The following TMEM219 variants were observed in gnomAD, a reference collection of about 807,000 sequenced individuals.
TMEM219 encodes insulin-like growth factor-binding protein 3 receptor.
TMEM219 carries 18 observed loss-of-function variants against 17.9 expected under a neutral mutation model. That is an observed-to-expected ratio of 1.01 (90% CI 0.70 to 1.49). The LOEUF (loss-of-function observed/expected upper bound fraction) is 1.49. Among genes scored for constraint, TMEM219 ranks in the 40% most tolerant of loss-of-function variants. The pLI is 0.00. For missense variants in TMEM219, 288 were observed against 292.4 expected, an observed-to-expected ratio of 0.99 and a Z score of 0.11; for synonymous variants, 113 against 124.0, an observed-to-expected ratio of 0.91 and a Z score of 0.59.
chr16:29,966,683 G>A (rs1027168057), intron 3 of TMEM219, among the ~76,000 whole-genome samples: 10 of 152,200 alleles, frequency 6.6e-5, no homozygotes, highest in East Asian at 5.8e-4. Context: ...AGGCATGGTC[G>A]TGGGCACCTG....
At chr16:29,968,378 G>A (rs1382044306) in intron 4 of TMEM219, 124 bp downstream of exon 4, 2 of 719,752 alleles carry the variant, frequency 2.8e-6, no homozygotes, top group South Asian at 1.8e-5. Flanking sequence ...TGCCTTGGGG[G>A]CTGTGTGACG....
At chr16:29,964,799 A>G (rs1333949316) in intron 3 of TMEM219, among the ~76,000 whole-genome samples, 1 of 151,958 alleles carries the variant, frequency 6.6e-6, no homozygotes, top group Non-Finnish European at 1.5e-5. Context: ...ACATCCCTGG[A>G]CTTTAGTCAC....
chr16:29,962,178 G>C (rs1360540053), intron 1 of TMEM219, 46 bp downstream of exon 1: 1 of 152,170 alleles, frequency 6.6e-6, no homozygotes, highest in Admixed American at 6.5e-5. Context: ...ACCGGGAGGG[G>C]ACGAGGGCGT....
intron 1 of TMEM219, among the ~76,000 whole-genome samples, 168 bp downstream of exon 1, chr16:29,962,300 G>A (rs1436036741): frequency 3.3e-5 from 5 of 152,188 alleles, no homozygotes; most frequent in Non-Finnish European, 5.9e-5. Context: ...CAGCCGGACG[G>A]GAGGCGGGGC....
intron 3 of TMEM219, among the ~76,000 whole-genome samples, chr16:29,964,159 C>T (rs922179495): frequency 5.3e-5 from 8 of 152,040 alleles, no homozygotes; most frequent in African/African-American, 1.7e-4. Flanking sequence ...CCCATCTCTA[C>T]TAAAAATACA....
intron 3 of TMEM219, among the ~76,000 whole-genome samples, chr16:29,966,698 C>T (rs965798101): frequency 6.6e-6 from 1 of 152,058 alleles, no homozygotes; most frequent in South Asian, 2.1e-4. Flanking sequence ...CACCTGTAAT[C>T]CCAGCTACTC....
rs1337091251 is a variant in TMEM219, at chr16:29,972,932, T to G, written c.*34-18T>G. 6.6e-6 allele frequency: 1 copy of G among 152,272 alleles called. No individual in the cohort carries two copies. The highest frequency in any genetic ancestry group is 1.5e-5 in the Non-Finnish European group (1 of 68,052). The allele number at this position is 152,272 out of a possible 1,614,324, so 9.4% of individuals were successfully genotyped here. ...AGCTCTTCGACCTGTTTTGTTGTTT[T>G]ATTTTCTTTCTCCCCAGGTGTGAAT... On this transcript the variant is annotated intron_variant, in intron 5 of 5. Transcript: ENST00000279396.
chr16:29,962,856 C>G (rs1288938089), intron 1 of TMEM219: 2 of 431,054 alleles, frequency 4.6e-6, no homozygotes, highest in Non-Finnish European at 8.5e-6. Context: ...GAGAAGTCTC[C>G]CTTTCAGTTT....
chr16:29,963,149 C>T lies in TMEM219; in HGVS notation c.6C>T (p.Gly2=), dbSNP rs1425490512. 1 of 1,611,852 alleles carries T rather than the reference C, an allele frequency of 6.2e-7. No homozygotes were observed. Among genetic ancestry groups the T allele is most frequent in the East Asian group, 2.2e-5 (1 of 44,880 alleles). The stretch of plus-strand genomic sequence containing the variant: ...CTCAGCCCCCTCTGCTCCCCATGGG[C>T]AACTGCCAGGCAGGGCACAACCTGC... M[G]NCQAGHNLHL... The change falls in exon 2 of 6, where the codon GGC becomes GGT. Residue 2 remains glycine (G), a synonymous_variant. Transcript: ENST00000279396.
chr16:29,972,902 C>T (rs1240552878), intron 5 of TMEM219, 48 bp from the exon 6 acceptor site: 1 of 152,206 alleles, frequency 6.6e-6, no homozygotes, highest in Admixed American at 6.5e-5. Context: ...AGAGCTTCCT[C>T]TAGCAGCTCT....
At chr16:29,971,613 G>A in intron 5 of TMEM219, 35 bp downstream of exon 5, 14 of 730,688 alleles carry the variant, frequency 1.9e-5, no homozygotes, top group Middle Eastern at 2.8e-4. Context: ...CGGGAGCAGG[G>A]AATGGGGTGG....
At chr16:29,964,914 G>A (rs1158196794) in intron 3 of TMEM219, among the ~76,000 whole-genome samples, 1 of 152,152 alleles carries the variant, frequency 6.6e-6, no homozygotes, top group East Asian at 1.9e-4. Context: ...TATCCTTGGA[G>A]GTAGGATGAA....
intron 4 of TMEM219, among the ~76,000 whole-genome samples, chr16:29,969,261 A>G (rs890133419): frequency 3.2e-4 from 47 of 148,860 alleles, no homozygotes; most frequent in Admixed American, 2.7e-4. Flanking sequence ...CAGTGGCACA[A>G]TCTCGGCTCA....
chr16:29,970,372 G>T (rs13332642), intron 4 of TMEM219, among the ~76,000 whole-genome samples: 2 of 148,502 alleles, frequency 1.3e-5, no homozygotes, highest in Non-Finnish European at 3.0e-5. Flanking sequence ...TCGCCCAGGC[G>T]GGAGTGCAGT....
At chr16:29,962,989 T>C (rs558506071) in intron 1 of TMEM219, 118 bp from the exon 2 acceptor site, 11 of 829,346 alleles carry the variant, frequency 1.3e-5, no homozygotes, top group Non-Finnish European at 2.1e-5. Context: ...CCTTGGATTC[T>C]TGTTCTGGCT....
chr16:29,965,564 C>CAAA (rs35045736), intron 3 of TMEM219, among the ~76,000 whole-genome samples: 5 of 82,884 alleles, frequency 6.0e-5, no homozygotes, highest in Non-Finnish European at 9.3e-5. Flanking sequence ...ACTAAAAATA[C>CAAA]AAAAAAAAAA....
At chr16:29,963,077 C>CTTGTCCCA in intron 1 of TMEM219, 30 bp from the exon 2 acceptor site, 1 of 1,569,586 alleles carries the variant, frequency 6.4e-7, no homozygotes, top group Non-Finnish European at 8.7e-7. Flanking sequence ...AAGCGGTGCT[C>CTTGTCCCA]TTGTCCCATT....
At chr16:29,970,091 G>C (rs925715662) in intron 4 of TMEM219, among the ~76,000 whole-genome samples, 1 of 151,892 alleles carries the variant, frequency 6.6e-6, no homozygotes, top group African/African-American at 2.4e-5. Context: ...AAAATTAGCT[G>C]GATGTTGTGG....
intron 4 of TMEM219, among the ~76,000 whole-genome samples, chr16:29,969,721 C>G (rs769595157): frequency 3.3e-5 from 5 of 151,948 alleles, no homozygotes; most frequent in Non-Finnish European, 7.4e-5. Flanking sequence ...TGGGAGCACT[C>G]CATGTTGAGA....
Sources: allele counts gnomAD v4.1 joint callset (sites outside exome capture counted in the v4.1 genomes callset), GRCh38; gene constraint gnomAD v4.1.1; transcripts MANE v1.5; gene names NCBI Gene and HGNC (gene_info 2026-07-23, HGNC 2026-07-21).